DNAH8: variants seen among roughly 807,000 people sequenced by gnomAD.
The protein encoded by DNAH8 is axonemal beta dynein heavy chain 8.
In DNAH8, 382 loss-of-function variants were observed where a neutral mutation model predicts 562.1. The ratio of observed to expected loss-of-function variants is 0.68; its 90% CI spans 0.63 to 0.74. The LOEUF is 0.74. DNAH8 is among the 30% of genes least tolerant of loss of function. The probability of loss-of-function intolerance (pLI) is 0.00; values close to 1 mark genes in which losing one functional copy is unlikely to be tolerated. For missense variants in DNAH8, 5,203 were observed against 5,620.4 expected, an observed-to-expected ratio of 0.93 and a Z score of 2.37; for synonymous variants, 1,881 against 1,919.4, an observed-to-expected ratio of 0.98 and a Z score of 0.52.
chr6:39,025,246 AT>A (rs1767196851), intron 91 of DNAH8, among the ~76,000 whole-genome samples: 1 of 152,040 alleles, frequency 6.6e-6, no homozygotes, highest in African/African-American at 2.4e-5. Flanking sequence ...CATCTTCTCA[AT>A]TACGCTTTCC....
At chr6:38,893,988 A>T (rs1010598117) in intron 58 of DNAH8, among the ~76,000 whole-genome samples, 15 of 152,194 alleles carry the variant, frequency 9.9e-5, no homozygotes, top group Non-Finnish European at 1.8e-4. Flanking sequence ...TGGTATTGTT[A>T]CAGCTTTGCC....
At chr6:38,888,591 C>G (rs372143040) in intron 57 of DNAH8, among the ~76,000 whole-genome samples, 5 of 152,190 alleles carry the variant, frequency 3.3e-5, no homozygotes, top group African/African-American at 9.6e-5. Context: ...AACTAAGGCA[C>G]TTTAAAAAGA....
At chr6:38,897,496 C>G (rs751453985) in intron 60 of DNAH8, among the ~76,000 whole-genome samples, 4 of 152,154 alleles carry the variant, frequency 2.6e-5, no homozygotes, top group Non-Finnish European at 5.9e-5. Context: ...TAGGAATTAA[C>G]ATGATAAAAC....
chr6:38,926,130 A>G lies in DNAH8; in HGVS notation c.11038A>G (p.Thr3680Ala), dbSNP rs1323693339. ...GAATGGCATTATTGTGACAAAGGCC[A>G]CCAGATACCCACTCCTCATAGACCC... ...IQNGIIVTKATRYPLLIDPQT... is the reference protein window; with the variant it reads ...IQNGIIVTKAARYPLLIDPQT... Residue 3680 changes from threonine (T) to alanine (A), a missense_variant, in exon 74 of 93, where the codon ACC becomes GCC. Physicochemically the swap from Thr to Ala is moderately conservative, Grantham distance 58 (BLOSUM62 0). Coordinates refer to ENST00000327475, the MANE Select transcript of DNAH8 (RefSeq NM_001206927.2). 1 of 1,613,854 alleles carries G rather than the reference A, an allele frequency of 6.2e-7. No individual in the cohort carries two copies. The highest frequency in any genetic ancestry group is 8.5e-7 in the Non-Finnish European group (1 of 1,179,818).
intron 21 of DNAH8, among the ~76,000 whole-genome samples, chr6:38,795,264 T>C (rs1473204030): frequency 2.0e-5 from 3 of 152,170 alleles, no homozygotes; most frequent in Non-Finnish European, 2.9e-5. Context: ...ACAGTAATTC[T>C]CCAGTGGTAG....
Position 38,823,011 on chromosome 6 carries a change from G to A in DNAH8, c.3697G>A (p.Glu1233Lys). 1 of 1,581,506 alleles carries A rather than the reference G, an allele frequency of 6.3e-7. No individual in the cohort carries two copies. Among genetic ancestry groups the A allele is most frequent in the Non-Finnish European group, 8.5e-7 (1 of 1,170,038 alleles). Residue 1233 changes from glutamate (E) to lysine (K), a missense_variant, in exon 27 of 93, where the codon GAG (glutamate) becomes AAG (lysine). Glu to Lys is a moderately conservative substitution (Grantham distance 56). Transcript: ENST00000327475. ...TCAGAAGTACAAGACTCTCTGGACAGAGGACCGCGATGTGAAAGTGAAGGT... is the reference window on the plus strand; with the variant it reads ...TCAGAAGTACAAGACTCTCTGGACAAAGGACCGCGATGTGAAAGTGAAGGT... ...DFQKYKTLWT[E>K]DRDVKVKEFL...
Position 38,908,085 on chromosome 6 carries a change from A to G in DNAH8, c.9478A>G (p.Arg3160Gly). 6.3e-7 allele frequency: 1 copy of G among 1,599,660 alleles called. No individual in the cohort carries two copies. Among genetic ancestry groups the G allele is most frequent in the Non-Finnish European group, 8.5e-7 (1 of 1,174,334 alleles). The change falls in exon 64 of 93, where the codon AGG becomes GGG. Residue 3160 changes from arginine (R) to glycine (G), a missense_variant. By Grantham distance (125) the Arg-to-Gly change is moderately radical (BLOSUM62 -2). Transcript: ENST00000327475. ...GTATGAATACTTCATTTCAAGATCA[A>G]GGAAGAACTTACATGTTGTTCTCTG... ...NLYEYFISRS[R>G]KNLHVVLCFS... is the part of the protein sequence containing the mutation.
At position 38,990,138 on chromosome 6, in the gene DNAH8, G is replaced by A; in HGVS notation, c.13180G>A (p.Glu4394Lys). The A allele has an allele frequency of 6.2e-7, 1 of 1,612,476 alleles. No individual in the cohort carries two copies. The highest frequency in any genetic ancestry group is 1.7e-5 in the Admixed American group (1 of 59,888). The change falls in exon 88 of 93, where the codon GAA becomes AAA. Residue 4394 changes from glutamate to lysine, a missense_variant. Physicochemically the swap from Glu to Lys is moderately conservative, Grantham distance 56 (BLOSUM62 1). Coordinates refer to ENST00000327475, the MANE Select transcript of DNAH8 (RefSeq NM_001206927.2). ...IQSLPSLDNP[E>K]VFGLHPNADI... is the part of the protein sequence containing the mutation. The stretch of plus-strand genomic sequence containing the variant: ...GTCACTGCCATCCCTAGATAACCCT[G>A]AAGTCTTTGGGCTTCACCCTAATGC...
chr6:38,791,975 T>A (rs1248938556), intron 21 of DNAH8, among the ~76,000 whole-genome samples: 1 of 152,216 alleles, frequency 6.6e-6, no homozygotes, highest in African/African-American at 2.4e-5. Context: ...ATTTTTCTCA[T>A]GGCTTTAACT....
At chr6:38,982,485 T>C (rs1182559484) in intron 86 of DNAH8, 23 bp downstream of exon 86, 2 of 1,200,972 alleles carry the variant, frequency 1.7e-6, no homozygotes, top group African/African-American at 3.0e-5. Flanking sequence ...ATGCCTTTTT[T>C]CCTGTTTTTA....
intron 14 of DNAH8, 90 bp downstream of exon 14, chr6:38,778,554 C>A: frequency 1.2e-6 from 1 of 812,170 alleles, no homozygotes; most frequent in Non-Finnish European, 2.0e-6. Context: ...TGTTGGAAAT[C>A]TGTCCTACAT....
At chr6:38,819,548 T>C (rs980073492) in intron 26 of DNAH8, among the ~76,000 whole-genome samples, 1 of 152,178 alleles carries the variant, frequency 6.6e-6, no homozygotes, top group African/African-American at 2.4e-5. Flanking sequence ...TAATGTCATC[T>C]GTAAAAATAT....
At chr6:38,823,231 CA>C (rs1773032092) in intron 27 of DNAH8, among the ~76,000 whole-genome samples, 197 bp downstream of exon 27, 1 of 152,210 alleles carries the variant, frequency 6.6e-6, no homozygotes, top group South Asian at 2.1e-4. Context: ...TACTGAGGCT[CA>C]GACAGATTTT....
rs187142177 is a variant in DNAH8 at position 38,905,343 on chromosome 6, C to G, written c.9195-911C>G. 3.9e-5 allele frequency among the ~76,000 whole-genome samples: 6 copies of G among 152,232 alleles called. No individual in the cohort carries two copies. The South Asian group carries it at 1.2e-3, about 32-fold the overall frequency. ...ACCTCTGGTAGCACATACATTTAACCGGAAACAGAGTGAACCAAAAAACAA... is the reference window on the plus strand; with the variant it reads ...ACCTCTGGTAGCACATACATTTAACGGGAAACAGAGTGAACCAAAAAACAA... On this transcript the variant is annotated intron_variant, in intron 62 of 92. Transcript: ENST00000327475.
chr6:38,819,087 C>G (rs1049653212), intron 26 of DNAH8, among the ~76,000 whole-genome samples: 1 of 152,236 alleles, frequency 6.6e-6, no homozygotes, highest in Admixed American at 6.5e-5. Context: ...GCTTCCCCCA[C>G]AAAGGGCTTT....
At chr6:38,810,231 CTT>C (rs1249505490) in intron 24 of DNAH8, among the ~76,000 whole-genome samples, 1 of 152,128 alleles carries the variant, frequency 6.6e-6, no homozygotes, top group Non-Finnish European at 1.5e-5. Flanking sequence ...CATTTATTCT[CTT>C]TTCTGTACTT....
intron 4 of DNAH8, among the ~76,000 whole-genome samples, chr6:38,734,127 A>G (rs1763883110): frequency 2.0e-5 from 3 of 150,208 alleles, no homozygotes; most frequent in Non-Finnish European, 4.5e-5. Flanking sequence ...AAGAAAAAAT[A>G]AATACAAAAA....
intron 33 of DNAH8, among the ~76,000 whole-genome samples, chr6:38,841,108 C>T (rs1233888363): frequency 2.0e-5 from 3 of 152,046 alleles, no homozygotes; most frequent in East Asian, 1.9e-4. Flanking sequence ...AAATCTACTA[C>T]GCCTACATGG....
At chr6:38,716,619 T>C (rs1582806877) in intron 1 of DNAH8, 1 of 152,240 alleles carries the variant, frequency 6.6e-6, no homozygotes, top group Admixed American at 6.5e-5. Flanking sequence ...GTCATTGACA[T>C]TGACCATCTT....
Sources: allele counts gnomAD v4.1 joint callset (sites outside exome capture counted in the v4.1 genomes callset), GRCh38; gene constraint gnomAD v4.1.1; transcripts MANE v1.5; gene names NCBI Gene and HGNC (gene_info 2026-07-23, HGNC 2026-07-21).